Variants in DCC observed in about 807,000 individuals in gnomAD.
DCC encodes DCC netrin 1 receptor.
Under a neutral mutation model 172.5 loss-of-function variants are expected in DCC, and 58 were observed. The ratio of observed to expected loss-of-function variants is 0.34; its 90% CI spans 0.27 to 0.42. The LOEUF is 0.42. Among genes scored for constraint, DCC ranks in the 10% least tolerant of loss-of-function variants. The pLI is 1.00. For synonymous variants in DCC, 709 were observed against 644.5 expected, an observed-to-expected ratio of 1.10 and a Z score of -1.52; for missense variants, 1,740 against 1,791.0, an observed-to-expected ratio of 0.97 and a Z score of 0.51.
chr18:52,944,296 G>C (rs2040507319), intron 5 of DCC, among the ~76,000 whole-genome samples: 1 of 152,116 alleles, frequency 6.6e-6, no homozygotes, highest in Middle Eastern at 3.2e-3. Flanking sequence ...AGATCTGAGG[G>C]ATTGTCTATA....
intron 25 of DCC, among the ~76,000 whole-genome samples, chr18:53,470,133 C>T (rs1289734304): frequency 6.6e-6 from 1 of 152,112 alleles, no homozygotes; most frequent in Non-Finnish European, 1.5e-5. Context: ...TTTCTCCCTA[C>T]ACCTGCTTCT....
intron 11 of DCC, among the ~76,000 whole-genome samples, chr18:53,214,469 A>G (rs2055814048): frequency 6.6e-6 from 1 of 152,194 alleles, no homozygotes; most frequent in South Asian, 2.1e-4. Context: ...AGAGTATGGC[A>G]TAAATAAATT....
chr18:52,938,197 A>C (rs138486273), intron 5 of DCC, among the ~76,000 whole-genome samples: 1 of 152,010 alleles, frequency 6.6e-6, no homozygotes, highest in African/African-American at 2.4e-5. Context: ...TTTTAGAAAA[A>C]CTCAAGGTGG....
rs11366294 is a variant in DCC, at chr18:52,616,265, A to AT, written c.92-135779dup. ...GGTCTGTGACAGTTTCTTTTGGTTA[A>AT]TTTTTTTTTTCTGACTTTGAGGAAT... is the stretch of plus-strand genomic sequence containing the variant. On this transcript the variant is annotated intron_variant, in intron 1 of 28. Coordinates refer to ENST00000442544, the MANE Select transcript of DCC (RefSeq NM_005215.4). 1.5e-4 allele frequency among the ~76,000 whole-genome samples: 23 copies of AT among 150,186 alleles called. 1 individual carries two copies. In the East Asian group the frequency reaches 1.6e-3, roughly 10 times the overall value.
chr18:53,195,289 T>C (rs971789634), intron 9 of DCC, among the ~76,000 whole-genome samples: 3 of 152,202 alleles, frequency 2.0e-5, no homozygotes, highest in African/African-American at 7.2e-5. Flanking sequence ...ATTTGAAAAT[T>C]AGAGTTCTGT....
intron 1 of DCC, among the ~76,000 whole-genome samples, chr18:52,729,466 G>T (rs1470889626): frequency 2.0e-5 from 3 of 152,070 alleles, no homozygotes; most frequent in Admixed American, 2.0e-4. Context: ...CACCATGTTG[G>T]CCAGGCTGGT....
intron 12 of DCC, among the ~76,000 whole-genome samples, chr18:53,273,439 G>A (rs1037177426): frequency 3.6e-4 from 55 of 151,982 alleles, no homozygotes; most frequent in African/African-American, 1.3e-3. Context: ...TTGATTGGTA[G>A]GATTCACAAA....
At chr18:52,718,292 T>C (rs1421223420) in intron 1 of DCC, among the ~76,000 whole-genome samples, 1 of 152,250 alleles carries the variant, frequency 6.6e-6, no homozygotes, top group Non-Finnish European at 1.5e-5. Flanking sequence ...AAATTCATTC[T>C]ATTCTTCAGG....
chr18:53,223,825 A>G (rs2055979918), intron 12 of DCC, among the ~76,000 whole-genome samples: 1 of 152,168 alleles, frequency 6.6e-6, no homozygotes, highest in South Asian at 2.1e-4. Flanking sequence ...AACACGAGCT[A>G]TTTTAGTCAA....
At chr18:52,413,107 T>C (rs1403553242) in intron 1 of DCC, among the ~76,000 whole-genome samples, 1 of 149,562 alleles carries the variant, frequency 6.7e-6, no homozygotes, top group African/African-American at 2.4e-5. Flanking sequence ...TAGAGGCTTA[T>C]ATGTTTTTTT....
At chr18:52,546,179 C>A (rs1011885200) in intron 1 of DCC, among the ~76,000 whole-genome samples, 1 of 152,042 alleles carries the variant, frequency 6.6e-6, no homozygotes, top group Non-Finnish European at 1.5e-5. Flanking sequence ...CAGAGGAAAT[C>A]CAGATAGCTA....
intron 1 of DCC, among the ~76,000 whole-genome samples, chr18:52,489,115 T>C (rs2030372399): frequency 6.6e-6 from 1 of 152,100 alleles, no homozygotes; most frequent in African/African-American, 2.4e-5. Flanking sequence ...AATCCTCTAT[T>C]CAGTGTGTAC....
At chr18:53,242,859 T>C (rs2056317551) in intron 12 of DCC, among the ~76,000 whole-genome samples, 1 of 145,944 alleles carries the variant, frequency 6.9e-6, no homozygotes, top group South Asian at 2.2e-4. Flanking sequence ...TCCAGACCTA[T>C]GATGACAAGT....
At chr18:52,661,214 CA>C (rs2035352381) in intron 1 of DCC, among the ~76,000 whole-genome samples, 1 of 152,106 alleles carries the variant, frequency 6.6e-6, no homozygotes, top group Non-Finnish European at 1.5e-5. Flanking sequence ...AGAATTGAGG[CA>C]ATGGGTCACT....
chr18:52,655,263 A>G (rs1302504892), intron 1 of DCC, among the ~76,000 whole-genome samples: 1 of 152,158 alleles, frequency 6.6e-6, no homozygotes, highest in African/African-American at 2.4e-5. Context: ...TGTTAAGCCT[A>G]CTAAGTCACA....
intron 1 of DCC, among the ~76,000 whole-genome samples, chr18:52,351,050 A>G (rs541282490): frequency 1.4e-4 from 22 of 152,362 alleles, no homozygotes; most frequent in African/African-American, 4.6e-4. Flanking sequence ...ACTGTAGGAA[A>G]GGGTCTCAGA....
At chr18:52,915,213 G>A (rs1259312075) in intron 3 of DCC, among the ~76,000 whole-genome samples, 1 of 152,026 alleles carries the variant, frequency 6.6e-6, no homozygotes, top group Non-Finnish European at 1.5e-5. Flanking sequence ...TAGGGAAATG[G>A]CCCTGTTAAA....
At chr18:53,302,042 A>G (rs142623995) in intron 12 of DCC, among the ~76,000 whole-genome samples, 236 of 152,270 alleles carry the variant, frequency 1.5e-3, no homozygotes, top group African/African-American at 5.4e-3. Context: ...ATAGATGGCT[A>G]CCTTCTTCTT....
intron 5 of DCC, among the ~76,000 whole-genome samples, chr18:53,000,837 AACTTAT>A (rs1042141536): frequency 9.2e-5 from 14 of 151,778 alleles, no homozygotes; most frequent in African/African-American, 3.4e-4. Context: ...AAATTATATA[AACTTAT>A]ACTTGAATGC....
Sources: gnomAD v4.1 joint callset for allele counts (sites outside exome capture counted in the v4.1 genomes callset) on GRCh38, gnomAD v4.1.1 for gene constraint, MANE v1.5 for transcripts, NCBI Gene and HGNC (gene_info 2026-07-23, HGNC 2026-07-21) for gene names.